Variants in PCDH11Y observed in about 807,000 individuals in gnomAD.
PCDH11Y encodes the protein protocadherin-11 Y-linked.
For missense variants in PCDH11Y, 12 were observed against 224.8 expected, an observed-to-expected ratio of 0.05 and a Z score of 6.05; for synonymous variants, 9 against 83.6, an observed-to-expected ratio of 0.11 and a Z score of 4.87.
chrY:5,728,535 C>T (rs2053600618), intron 4 of PCDH11Y, among the ~76,000 whole-genome samples: 31 of 33,428 alleles, frequency 9.3e-4, no homozygotes, highest in Admixed American at 2.5e-3. Flanking sequence ...TGTGCTGAGC[C>T]TCTAATTATA....
chrY:5,522,116 G>A (rs1602937615), intron 3 of PCDH11Y, among the ~76,000 whole-genome samples: 3 of 31,790 alleles, frequency 9.4e-5, no homozygotes, highest in Non-Finnish European at 1.5e-4. Flanking sequence ...CTTGTGATCC[G>A]CCCGCCTCGG....
intron 3 of PCDH11Y, among the ~76,000 whole-genome samples, chrY:5,538,403 T>A: frequency 6.0e-5 from 2 of 33,077 alleles, no homozygotes; most frequent in Non-Finnish European, 1.5e-4. Flanking sequence ...GTGGCAGATA[T>A]TTGTCAGATT....
intron 2 of PCDH11Y, among the ~76,000 whole-genome samples, chrY:5,136,033 A>G: frequency 3.7e-4 from 12 of 32,424 alleles, no homozygotes; most frequent in Admixed American, 3.4e-3. Flanking sequence ...GAAAGCCAGC[A>G]TACTAAACAT....
At chrY:5,045,124 A>T in intron 3 of PCDH11Y, among the ~76,000 whole-genome samples, 1 of 33,112 alleles carries the variant, frequency 3.0e-5, no homozygotes, top group Non-Finnish European at 7.4e-5. Flanking sequence ...TAAAGTTAAT[A>T]GTATTATGTG....
intron 2 of PCDH11Y, among the ~76,000 whole-genome samples, chrY:5,427,029 C>T (rs2053264025): frequency 3.0e-5 from 1 of 32,811 alleles, no homozygotes; most frequent in African/African-American, 1.2e-4. Context: ...CCTACTAACA[C>T]GAGTTCTTTT....
rs1602848806 is a variant in PCDH11Y at position 5,046,370 on chromosome Y, A to C, written c.33-10519A>C. Reference sequence around the variant, plus strand: ...CTGCAGATCTGTTGGAGTACCCTGCAGTGTGAGGTGTCAGTGTGCCCCTGC... The same window carrying C: ...CTGCAGATCTGTTGGAGTACCCTGCCGTGTGAGGTGTCAGTGTGCCCCTGC... On this transcript the variant is annotated intron_variant, in intron 3 of 5. Transcript: ENST00000333703. Among the ~76,000 whole-genome samples the C allele has an allele frequency of 2.4e-4, 8 of 33,237 alleles. No homozygotes were observed. In the East Asian group the frequency reaches 4.9e-3, roughly 20 times the overall value. 89.2% of individuals were successfully genotyped at this position (33,237 alleles called of 37,273 possible). A position where few individuals can be genotyped will look rare whatever the true frequency, so the allele number is the denominator to read the frequency against.
chrY:5,316,363 G>A, intron 2 of PCDH11Y, among the ~76,000 whole-genome samples: 1 of 32,878 alleles, frequency 3.0e-5, no homozygotes, highest in Non-Finnish European at 7.4e-5. Flanking sequence ...TTGTGCAGAG[G>A]AAGCTCTCAG....
chrY:5,712,585 T>A, intron 4 of PCDH11Y, among the ~76,000 whole-genome samples: 1 of 33,533 alleles, frequency 3.0e-5, no homozygotes, highest in Non-Finnish European at 7.4e-5. Context: ...CATGGGAATT[T>A]TTGTTGTTGT....
chrY:5,304,640 A>G, intron 2 of PCDH11Y, among the ~76,000 whole-genome samples: 1 of 33,215 alleles, frequency 3.0e-5, no homozygotes, highest in Non-Finnish European at 7.4e-5. Flanking sequence ...AGAACTCTTC[A>G]AAGTAGAAGA....
At chrY:5,465,443 T>A (rs2124684178) in intron 2 of PCDH11Y, among the ~76,000 whole-genome samples, 1 of 32,682 alleles carries the variant, frequency 3.1e-5, no homozygotes, top group Non-Finnish European at 7.6e-5. Flanking sequence ...GACTAATGCA[T>A]GACATCTTTT....
chrY:5,300,205 T>C lies in PCDH11Y; in HGVS notation c.3129+199498T>C, dbSNP rs2124663065. ...GACTTTTTACAAATTATGTGAGCAA[T>C]CTTCAGTTTGTTCAAGGGTATTTTA... is the stretch of plus-strand genomic sequence containing the variant. On this transcript the variant is annotated intron_variant, in intron 2 of 4. Coordinates refer to the PCDH11Y transcript ENST00000400457. 8.9e-5 allele frequency among the ~76,000 whole-genome samples: 3 copies of C among 33,790 alleles called. No homozygotes were observed. The South Asian group carries it at 1.9e-3, about 22-fold the overall frequency. The allele number at this position is 33,790 out of a possible 37,273, so 90.7% of individuals were successfully genotyped here.
intron 3 of PCDH11Y, among the ~76,000 whole-genome samples, chrY:5,045,645 T>C: frequency 6.1e-5 from 2 of 32,842 alleles, no homozygotes; most frequent in Non-Finnish European, 1.5e-4. Context: ...TTTCCTGAAT[T>C]TGAATGTTGG....
At chrY:5,541,740 TTTC>T (rs2053407219) in intron 3 of PCDH11Y, among the ~76,000 whole-genome samples, 24 of 26,113 alleles carry the variant, frequency 9.2e-4, no homozygotes, top group Admixed American at 3.7e-3. Context: ...TCTTTCTTTC[TTTC>T]TTTCTTTCTT....
At chrY:5,116,269 CT>C (rs2052810766) in intron 2 of PCDH11Y, among the ~76,000 whole-genome samples, 1 of 33,306 alleles carries the variant, frequency 3.0e-5, no homozygotes. Flanking sequence ...TATGTCACCT[CT>C]TTTTGTAAAG....
intron 3 of PCDH11Y, among the ~76,000 whole-genome samples, chrY:5,045,471 C>T (rs1419329197): frequency 9.1e-5 from 3 of 32,860 alleles, no homozygotes; most frequent in Non-Finnish European, 2.2e-4. Context: ...GGGTTTCTGC[C>T]GCGAGATCTG....
At chrY:5,005,645 T>C (rs2052538563) in intron 1 of PCDH11Y, among the ~76,000 whole-genome samples, 1 of 33,486 alleles carries the variant, frequency 3.0e-5, no homozygotes, top group African/African-American at 1.2e-4. Flanking sequence ...CACTTCAGCC[T>C]TCTTTCTACA....
intron 2 of PCDH11Y, among the ~76,000 whole-genome samples, chrY:5,137,162 G>T (rs2124641899): frequency 3.5e-5 from 1 of 28,765 alleles, no homozygotes; most frequent in Non-Finnish European, 8.3e-5. Flanking sequence ...GGGGATTGAG[G>T]TCCCATCTTT....
At chrY:5,046,969 C>G in intron 3 of PCDH11Y, among the ~76,000 whole-genome samples, 1 of 34,032 alleles carries the variant, frequency 2.9e-5, no homozygotes, top group Admixed American at 2.6e-4. Flanking sequence ...CCCTGCTTCG[C>G]CTCGCGCACG....
chrY:5,325,824 T>A (rs2124666429), intron 2 of PCDH11Y, among the ~76,000 whole-genome samples: 2 of 32,961 alleles, frequency 6.1e-5, no homozygotes, highest in East Asian at 1.7e-3. Flanking sequence ...ACAGTCTAAG[T>A]TGGTCTGGTG....
Sources: gnomAD v4.1 joint callset for allele counts (sites outside exome capture counted in the v4.1 genomes callset) on GRCh38, gnomAD v4.1.1 for gene constraint, MANE v1.5 for transcripts, NCBI Gene and HGNC (gene_info 2026-07-23, HGNC 2026-07-21) for gene names.